The following FBXO36 variants were observed in gnomAD, a reference collection of about 807,000 sequenced individuals.
FBXO36 encodes the protein F-box protein 36.
In FBXO36, 18 loss-of-function variants were observed where a neutral mutation model predicts 17.0. The ratio of observed to expected loss-of-function variants is 1.06; its 90% CI spans 0.73 to 1.57. The LOEUF (loss-of-function observed/expected upper bound fraction) is 1.57. Ranked by LOEUF, FBXO36 falls within the 40% of genes most tolerant of loss-of-function variation. FBXO36 has a pLI of 0.00. For synonymous variants in FBXO36, 83 were observed against 85.3 expected (o/e 0.97, Z 0.15); for missense variants, 229 against 221.9 (o/e 1.03, Z -0.20).
At chr2:229,961,316 T>C (rs1037180509) in intron 1 of FBXO36, among the ~76,000 whole-genome samples, 2 of 152,192 alleles carry the variant, frequency 1.3e-5, no homozygotes, top group African/African-American at 4.8e-5. Context: ...CTTTCTAATA[T>C]ATTGCAAGAC....
intron 1 of FBXO36, among the ~76,000 whole-genome samples, chr2:229,931,637 G>A (rs1577325747): frequency 1.3e-5 from 2 of 152,202 alleles, no homozygotes; most frequent in South Asian, 2.1e-4. Flanking sequence ...TCAGGGGTTC[G>A]AGACCAGCCT....
Position 229,922,560 on chromosome 2 carries a change from G to A in FBXO36, c.47G>A (p.Gly16Asp). ...PETLFETVGQ[G>D]PPPSKDYYQL... Reference sequence around the variant, plus strand: ...ACTCTCTTTGAAACTGTAGGACAAGGCCCGCCGCCTAGCAAAGACTATTAC... The same window carrying A: ...ACTCTCTTTGAAACTGTAGGACAAGACCCGCCGCCTAGCAAAGACTATTAC... The change falls in exon 1 of 4, where the codon GGC becomes GAC. Residue 16 changes from glycine to aspartate, a missense_variant. Transcript: ENST00000283946. The A allele has an allele frequency of 1.2e-6, 2 of 1,614,082 alleles. No individual in the cohort carries two copies. The highest frequency in any genetic ancestry group is 1.7e-6 in the Non-Finnish European group (2 of 1,180,008).
intron 2 of FBXO36, among the ~76,000 whole-genome samples, chr2:229,980,190 A>G (rs894609164): frequency 6.6e-6 from 1 of 151,922 alleles, no homozygotes; most frequent in African/African-American, 2.4e-5. Context: ...GCCCCTGAAT[A>G]GCTGGGACTA....
intron 1 of FBXO36, among the ~76,000 whole-genome samples, chr2:229,960,483 T>G (rs1190395237): frequency 6.6e-6 from 1 of 151,910 alleles, no homozygotes; most frequent in African/African-American, 2.4e-5. Context: ...CGGTCTTTTT[T>G]TTTTGGGCGG....
At chr2:229,965,153 T>C (rs1268385029) in intron 1 of FBXO36, among the ~76,000 whole-genome samples, 1 of 147,854 alleles carries the variant, frequency 6.8e-6, no homozygotes, top group Non-Finnish European at 1.5e-5. Context: ...CTTCCTTTTT[T>C]TTTTTTTTTT....
rs190167607 is a variant in FBXO36 at position 229,991,128 on chromosome 2, G to T, written c.206-5623G>T. Among the ~76,000 whole-genome samples, 621 of 152,146 alleles carry T rather than the reference G, an allele frequency of 4.1e-3. 7 individuals are homozygous for T. Among genetic ancestry groups the T allele is most frequent in the African/African-American group, 0.013 (548 of 41,520 alleles). ...TTTTTGTATTTTTAATAGAGATGGGGTTTCACCATCTTGGCCAGGCTGGTC... is the reference window on the plus strand; with the variant it reads ...TTTTTGTATTTTTAATAGAGATGGGTTTTCACCATCTTGGCCAGGCTGGTC... On this transcript the variant is annotated intron_variant, in intron 2 of 3. Coordinates refer to ENST00000283946, the MANE Select transcript of FBXO36 (RefSeq NM_174899.5).
chr2:229,935,392 A>T (rs1267666455), intron 1 of FBXO36, among the ~76,000 whole-genome samples: 1 of 152,180 alleles, frequency 6.6e-6, no homozygotes, highest in East Asian at 1.9e-4. Context: ...GCATGCCTGT[A>T]ATCCCAGCTA....
chr2:229,968,769 A>AATT (rs1182562472), intron 1 of FBXO36, among the ~76,000 whole-genome samples: 3 of 151,746 alleles, frequency 2.0e-5, no homozygotes, highest in South Asian at 2.1e-4. Flanking sequence ...TGCCCGGCCA[A>AATT]ATTATTATTA....
At chr2:229,969,085 C>A (rs550479226) in intron 1 of FBXO36, among the ~76,000 whole-genome samples, 5 of 152,126 alleles carry the variant, frequency 3.3e-5, no homozygotes, top group African/African-American at 9.6e-5. Context: ...ATTTATATAC[C>A]CCTTATAAAC....
At chr2:229,965,257 G>C (rs1373474603) in intron 1 of FBXO36, among the ~76,000 whole-genome samples, 5 of 150,256 alleles carry the variant, frequency 3.3e-5, no homozygotes, top group African/African-American at 1.2e-4. Context: ...TGGGGTTACA[G>C]GCTGAGCCAC....
Position 229,979,034 on chromosome 2 carries a change from G to A in FBXO36, c.205+2685G>A, listed in dbSNP as rs537548971. On this transcript the variant is annotated intron_variant, in intron 2 of 3. Transcript: ENST00000283946. ...TCTACTAAAAATATAAAAATTAGCCGGGCGTGGGGGCAGGCGCCTGTAATC... is the reference window on the plus strand; with the variant it reads ...TCTACTAAAAATATAAAAATTAGCCAGGCGTGGGGGCAGGCGCCTGTAATC... Among the ~76,000 whole-genome samples, 60 of 151,870 alleles carry A rather than the reference G, an allele frequency of 4.0e-4. 1 individual carries two copies. Among genetic ancestry groups the A allele is most frequent in the Non-Finnish European group, 2.6e-4 (18 of 67,954 alleles).
At chr2:230,003,068 C>A (rs2077368397) in intron 3 of FBXO36, among the ~76,000 whole-genome samples, 1 of 151,822 alleles carries the variant, frequency 6.6e-6, no homozygotes, top group South Asian at 2.1e-4. Flanking sequence ...AAAAAATTAG[C>A]CAGGTGTGGT....
At chr2:230,010,476 G>A (rs1017156526) in intron 3 of FBXO36, among the ~76,000 whole-genome samples, 6 of 152,096 alleles carry the variant, frequency 3.9e-5, no homozygotes, top group Admixed American at 6.6e-5. Context: ...TTCTACTGCC[G>A]TCACTGGGAA....
chr2:229,922,567 G>A lies in FBXO36; in HGVS notation c.54G>A (p.Pro18=), dbSNP rs1279299780. ...TTGAAACTGTAGGACAAGGCCCGCC[G>A]CCTAGCAAAGACTATTACCAGTTAC... The part of the protein sequence containing the change: ...TLFETVGQGP[P]PSKDYYQLLV... The change falls in exon 1 of 4, where the codon CCG becomes CCA. Residue 18 remains proline (P), a synonymous_variant. Transcript: ENST00000283946. 3.1e-6 allele frequency: 5 copies of A among 1,614,086 alleles called. No homozygotes were observed. Among genetic ancestry groups the A allele is most frequent in the Non-Finnish European group, 3.4e-6 (4 of 1,180,024 alleles).
chr2:229,941,101 C>T lies in FBXO36; in HGVS notation c.96+18492C>T, dbSNP rs184614443. On this transcript the variant is annotated intron_variant, in intron 1 of 3. Coordinates refer to ENST00000283946, the MANE Select transcript of FBXO36 (RefSeq NM_174899.5). ...CCTGACTCTAGCGCAGTGAATCTAC[C>T]GACTGACCAGCAGCCATAGGACTTG... Among the ~76,000 whole-genome samples, 609 of 152,182 alleles carry T rather than the reference C, an allele frequency of 4.0e-3. 9 individuals are homozygous for T. Among genetic ancestry groups the T allele is most frequent in the African/African-American group, 0.014 (584 of 41,510 alleles).
intron 1 of FBXO36, among the ~76,000 whole-genome samples, chr2:229,966,506 G>A (rs1193662443): frequency 6.6e-6 from 1 of 152,086 alleles, no homozygotes; most frequent in Non-Finnish European, 1.5e-5. Context: ...GGGTTTTTAT[G>A]GTTTTAGGTC....
chr2:229,999,846 C>G (rs111533025), intron 3 of FBXO36, among the ~76,000 whole-genome samples: 5 of 151,922 alleles, frequency 3.3e-5, no homozygotes, highest in African/African-American at 9.7e-5. Context: ...GTTTTCTGCT[C>G]CTCCTCTTCC....
At chr2:229,942,079 C>G (rs1054289295) in intron 1 of FBXO36, among the ~76,000 whole-genome samples, 3 of 152,104 alleles carry the variant, frequency 2.0e-5, no homozygotes, top group Non-Finnish European at 4.4e-5. Context: ...GTCCTAACCT[C>G]CCTGGCAGCT....
intron 1 of FBXO36, among the ~76,000 whole-genome samples, chr2:229,957,771 G>GGA (rs1288813811): frequency 1.3e-5 from 2 of 152,170 alleles, no homozygotes; most frequent in Non-Finnish European, 2.9e-5. Flanking sequence ...AAAGTTAACT[G>GGA]TCAGCTTCTC....
Sources: allele counts gnomAD v4.1 joint callset (sites outside exome capture counted in the v4.1 genomes callset), GRCh38; gene constraint gnomAD v4.1.1; transcripts MANE v1.5; gene names NCBI Gene and HGNC (gene_info 2026-07-23, HGNC 2026-07-21).